The following AP2B1 variants were observed in gnomAD, a reference collection of about 807,000 sequenced individuals.
AP2B1 encodes the protein AP-2 complex subunit beta.
AP2B1 carries 23 observed loss-of-function variants against 102.0 expected under a neutral mutation model. The ratio of observed to expected loss-of-function variants is 0.23; its 90% CI spans 0.16 to 0.32. The LOEUF (loss-of-function observed/expected upper bound fraction) is 0.32. Among genes scored for constraint, AP2B1 ranks in the 10% least tolerant of loss-of-function variants. The pLI, the probability that AP2B1 is intolerant of heterozygous loss-of-function variation, is 1.00. For missense variants in AP2B1, 541 were observed against 1,157.4 expected, an observed-to-expected ratio of 0.47 and a Z score of 7.73; for synonymous variants, 381 against 421.2, an observed-to-expected ratio of 0.90 and a Z score of 1.17.
At chr17:35,710,656 T>C (rs1405504527) in intron 20 of AP2B1, among the ~76,000 whole-genome samples, 1 of 152,242 alleles carries the variant, frequency 6.6e-6, no homozygotes, top group East Asian at 1.9e-4. Context: ...CCCTTAGTAA[T>C]TGAAAGGACC....
chr17:35,650,637 C>A lies in AP2B1; in HGVS notation c.1644C>A (p.Ile548=), dbSNP rs540432115. 2.5e-6 allele frequency: 4 copies of A among 1,614,194 alleles called. No individual in the cohort carries two copies. The highest frequency in any genetic ancestry group is 3.3e-5 in the Admixed American group (2 of 60,016). The change falls in exon 13 of 22, where the codon ATC becomes ATA. Residue 548 remains isoleucine (I), a synonymous_variant. Transcript: ENST00000610402. ...TAGTCTTGTCTGAGAAGCCACTGAT[C>A]TCTGAGGAGACGGACCTTATTGAGC... ...KEVVLSEKPL[I]SEETDLIEPT...
intron 10 of AP2B1, among the ~76,000 whole-genome samples, chr17:35,639,241 G>A (rs985412387): frequency 1.3e-5 from 2 of 152,160 alleles, no homozygotes; most frequent in Admixed American, 1.3e-4. Flanking sequence ...ACTGAGGAGG[G>A]AGGATCGCTT....
At chr17:35,656,292 C>T (rs1269978741) in intron 13 of AP2B1, among the ~76,000 whole-genome samples, 1 of 151,192 alleles carries the variant, frequency 6.6e-6, no homozygotes, top group Non-Finnish European at 1.5e-5. Flanking sequence ...TCATTTTTCC[C>T]CCACATAGCT....
At chr17:35,617,449 T>TTA (rs1357750283) in intron 5 of AP2B1, among the ~76,000 whole-genome samples, 4 of 152,234 alleles carry the variant, frequency 2.6e-5, no homozygotes, top group Non-Finnish European at 1.5e-5. Flanking sequence ...AATTTACTTT[T>TTA]TAATTTTATA....
intron 5 of AP2B1, among the ~76,000 whole-genome samples, chr17:35,621,978 G>A (rs932360530): frequency 6.6e-6 from 1 of 152,092 alleles, no homozygotes; most frequent in African/African-American, 2.4e-5. Context: ...ACAGGCATTT[G>A]GCCTTCTGAT....
chr17:35,704,559 T>C (rs750042923), intron 18 of AP2B1, among the ~76,000 whole-genome samples: 1 of 152,208 alleles, frequency 6.6e-6, no homozygotes, highest in Non-Finnish European at 1.5e-5. Flanking sequence ...GAGCTCATTG[T>C]ATTATAGGTG....
intron 18 of AP2B1, among the ~76,000 whole-genome samples, chr17:35,687,916 C>T (rs1014564345): frequency 5.3e-5 from 8 of 152,268 alleles, no homozygotes; most frequent in Middle Eastern, 3.4e-3. Context: ...AGTGATTTTT[C>T]CTCAATAAAA....
At chr17:35,640,743 C>G (rs1285264797) in intron 11 of AP2B1, among the ~76,000 whole-genome samples, 17 of 152,300 alleles carry the variant, frequency 1.1e-4, no homozygotes, top group Non-Finnish European at 5.9e-5. Flanking sequence ...TGCTGGCAAT[C>G]CGGAACCACA....
At chr17:35,699,675 A>G (rs1027205987) in intron 18 of AP2B1, among the ~76,000 whole-genome samples, 2 of 152,206 alleles carry the variant, frequency 1.3e-5, no homozygotes, top group African/African-American at 4.8e-5. Context: ...ACTCTATCAG[A>G]TACTGTCTAA....
chr17:35,672,820 T>C (rs1567954897), intron 16 of AP2B1, among the ~76,000 whole-genome samples: 1 of 152,186 alleles, frequency 6.6e-6, no homozygotes, highest in Non-Finnish European at 1.5e-5. Flanking sequence ...ACGTAAATAA[T>C]GTAAAAATGT....
At chr17:35,615,974 C>G (rs894334890) in intron 5 of AP2B1, among the ~76,000 whole-genome samples, 2 of 152,054 alleles carry the variant, frequency 1.3e-5, no homozygotes, top group Non-Finnish European at 2.9e-5. Flanking sequence ...CTTGAATTTC[C>G]CACCAGTTGG....
At chr17:35,616,960 C>T (rs569639780) in intron 5 of AP2B1, among the ~76,000 whole-genome samples, 47 of 152,282 alleles carry the variant, frequency 3.1e-4, no homozygotes, top group African/African-American at 1.1e-3. Context: ...GTGCTTCTAT[C>T]GTAGGATTGT....
chr17:35,712,701 G>A (rs1555588201), intron 20 of AP2B1, among the ~76,000 whole-genome samples: 1 of 152,166 alleles, frequency 6.6e-6, no homozygotes, highest in Non-Finnish European at 1.5e-5. Context: ...GAAAAATACA[G>A]CATATGCTAG....
At chr17:35,654,899 G>A (rs1431193855) in intron 13 of AP2B1, among the ~76,000 whole-genome samples, 4 of 152,028 alleles carry the variant, frequency 2.6e-5, no homozygotes, top group Non-Finnish European at 5.9e-5. Context: ...TACCACGGCC[G>A]TTGAACATAT....
chr17:35,710,188 T>C (rs2076418903), intron 19 of AP2B1, 46 bp from the exon 20 acceptor site: 1 of 1,367,802 alleles, frequency 7.3e-7, no homozygotes, highest in East Asian at 2.3e-5. Context: ...ATCAGAATAC[T>C]GACAGCTTAT....
chr17:35,614,438 C>G (rs1322378784), intron 5 of AP2B1, among the ~76,000 whole-genome samples: 1 of 152,052 alleles, frequency 6.6e-6, no homozygotes, highest in African/African-American at 2.4e-5. Flanking sequence ...AGGCCTCCAG[C>G]CTCAGCCTCT....
At chr17:35,601,730 T>C (rs2073491242) in intron 3 of AP2B1, among the ~76,000 whole-genome samples, 1 of 152,154 alleles carries the variant, frequency 6.6e-6, no homozygotes, top group African/African-American at 2.4e-5. Flanking sequence ...AGAATAAATC[T>C]GGATTGAAAA....
At chr17:35,721,773 A>G (rs1205453559) in intron 21 of AP2B1, among the ~76,000 whole-genome samples, 1 of 152,188 alleles carries the variant, frequency 6.6e-6, no homozygotes, top group Non-Finnish European at 1.5e-5. Flanking sequence ...AATACAAGAT[A>G]GTATTTTGGG....
intron 1 of AP2B1, among the ~76,000 whole-genome samples, chr17:35,589,731 C>T (rs1194316873): frequency 1.3e-5 from 2 of 152,184 alleles, no homozygotes; most frequent in African/African-American, 4.8e-5. Flanking sequence ...CTCAGAACAG[C>T]CGTTACTTGT....
Sources: allele counts gnomAD v4.1 joint callset (sites outside exome capture counted in the v4.1 genomes callset), GRCh38; gene constraint gnomAD v4.1.1; transcripts MANE v1.5; gene names NCBI Gene and HGNC (gene_info 2026-07-23, HGNC 2026-07-21).